The following BLVRA variants were observed in gnomAD, a reference collection of about 807,000 sequenced individuals.
BLVRA encodes the protein biliverdin reductase A.
A neutral mutation model predicts 32.8 loss-of-function variants in BLVRA; 22 were observed. The ratio of observed to expected loss-of-function variants is 0.67; its 90% CI spans 0.48 to 0.96. The LOEUF (loss-of-function observed/expected upper bound fraction) is 0.96, where lower values mean the gene tolerates loss of function less well. Among genes scored for constraint, BLVRA ranks in the 40% least tolerant of loss-of-function variants. BLVRA has a pLI of 0.00. For missense variants in BLVRA, 323 were observed against 358.1 expected, an observed-to-expected ratio of 0.90 and a Z score of 0.79; for synonymous variants, 119 against 141.3, an observed-to-expected ratio of 0.84 and a Z score of 1.12.
At chr7:43,766,150 G>T (rs1674828308) in intron 1 of BLVRA, among the ~76,000 whole-genome samples, 1 of 152,062 alleles carries the variant, frequency 6.6e-6, no homozygotes, top group African/African-American at 2.4e-5. Flanking sequence ...TGGTGGTGTG[G>T]TGGTAGGCGC....
intron 6 of BLVRA, among the ~76,000 whole-genome samples, chr7:43,803,333 A>G (rs199833777): frequency 6.6e-6 from 1 of 150,752 alleles, no homozygotes; most frequent in African/African-American, 2.4e-5. Context: ...GTGTGTATGT[A>G]TATCTACATA....
Position 43,790,426 on chromosome 7 carries a change from G to GAC in BLVRA, c.135-807_135-806dup, listed in dbSNP as rs138248593. 4.1e-3 allele frequency among the ~76,000 whole-genome samples: 626 copies of GAC among 151,112 alleles called. 2 individuals carry two copies. Among genetic ancestry groups the GAC allele is most frequent in the African/African-American group, 0.014 (571 of 41,190 alleles). On this transcript the variant is annotated intron_variant, in intron 3 of 7. Coordinates refer to ENST00000265523, the MANE Select transcript of BLVRA (RefSeq NM_000712.4). Reference sequence around the variant, plus strand: ...GAGCTCAGTCGGCCAGAGGGAGGAAGACACACACACACACACAAACACACA... The same window carrying GAC: ...GAGCTCAGTCGGCCAGAGGGAGGAAGACACACACACACACACACAAACACACA...
chr7:43,797,390 A>C (rs919588975), intron 5 of BLVRA, among the ~76,000 whole-genome samples: 2 of 152,242 alleles, frequency 1.3e-5, no homozygotes, highest in Admixed American at 1.3e-4. Context: ...GCCCAGCTCA[A>C]TAACGTATTT....
intron 6 of BLVRA, among the ~76,000 whole-genome samples, chr7:43,802,794 C>T (rs768795142): frequency 3.0e-4 from 46 of 152,178 alleles, no homozygotes; most frequent in Non-Finnish European, 5.4e-4. Context: ...AGCTACTGTA[C>T]GTGGCCTTTT....
intron 1 of BLVRA, among the ~76,000 whole-genome samples, chr7:43,762,118 G>A (rs1291436460): frequency 6.6e-6 from 1 of 152,100 alleles, no homozygotes; most frequent in Admixed American, 6.5e-5. Context: ...GGGCGTTTGA[G>A]GAGGAACAAG....
At chr7:43,774,342 C>T (rs2095758076) in intron 2 of BLVRA, among the ~76,000 whole-genome samples, 1 of 152,116 alleles carries the variant, frequency 6.6e-6, no homozygotes, top group African/African-American at 2.4e-5. Flanking sequence ...GATCCAGTTT[C>T]AGCTTTCTAC....
intron 2 of BLVRA, among the ~76,000 whole-genome samples, chr7:43,780,438 G>GTT (rs2095767617): frequency 6.6e-6 from 1 of 152,182 alleles, no homozygotes; most frequent in Non-Finnish European, 1.5e-5. Context: ...TGGTAAAAAT[G>GTT]TAAGTGTGGT....
chr7:43,791,573 A>G (rs995955024), intron 4 of BLVRA: 19 of 572,186 alleles, frequency 3.3e-5, no homozygotes, highest in Non-Finnish European at 5.9e-5. Context: ...AAATAGTAAA[A>G]TTAATATTTA....
At chr7:43,779,285 T>C (rs1383811569) in intron 2 of BLVRA, among the ~76,000 whole-genome samples, 1 of 152,210 alleles carries the variant, frequency 6.6e-6, no homozygotes, top group Non-Finnish European at 1.5e-5. Flanking sequence ...CCATCTTGGC[T>C]CCACTATCCT....
chr7:43,759,420 A>G (rs951533047), intron 1 of BLVRA, among the ~76,000 whole-genome samples: 5 of 152,190 alleles, frequency 3.3e-5, no homozygotes, highest in Admixed American at 6.5e-5. Flanking sequence ...TTGGATACTA[A>G]TTTTTTTCAC....
chr7:43,775,849 T>G (rs909745320), intron 2 of BLVRA, among the ~76,000 whole-genome samples: 1 of 152,236 alleles, frequency 6.6e-6, no homozygotes, highest in Admixed American at 6.5e-5. Context: ...AGATTCAACT[T>G]CTTCCTGGTT....
chr7:43,784,680 C>T (rs549618548), intron 2 of BLVRA, among the ~76,000 whole-genome samples: 1 of 149,328 alleles, frequency 6.7e-6, no homozygotes, highest in African/African-American at 2.5e-5. Context: ...CTTGGCTCAC[C>T]GCAACCCCTG....
intron 5 of BLVRA, among the ~76,000 whole-genome samples, chr7:43,795,741 G>T (rs2095791887): frequency 6.6e-6 from 1 of 151,492 alleles, no homozygotes; most frequent in Non-Finnish European, 1.5e-5. Context: ...AAAAGCAATA[G>T]AAAAAAATCA....
intron 6 of BLVRA, among the ~76,000 whole-genome samples, chr7:43,802,003 A>G (rs576352767): frequency 6.6e-6 from 1 of 152,106 alleles, no homozygotes; most frequent in Non-Finnish European, 1.5e-5. Flanking sequence ...TTAGTCGGGC[A>G]TGGTGGCACG....
intron 2 of BLVRA, among the ~76,000 whole-genome samples, chr7:43,782,034 C>T (rs1185099501): frequency 6.6e-6 from 1 of 152,204 alleles, no homozygotes; most frequent in African/African-American, 2.4e-5. Flanking sequence ...TTCCATTGTG[C>T]TTTATGTATC....
In BLVRA at chr7:43,761,392, T is replaced by C. The variant is rs530652091; in HGVS notation, c.-22+2658T>C. ...ATAGAATTTTCTGTGATTATGAAAATGTGCTATATTTAATTAATTTATATT... is the reference window on the plus strand; with the variant it reads ...ATAGAATTTTCTGTGATTATGAAAACGTGCTATATTTAATTAATTTATATT... On this transcript the variant is annotated intron_variant, in intron 1 of 7. Coordinates refer to ENST00000265523, the MANE Select transcript of BLVRA (RefSeq NM_000712.4). 3.3e-5 allele frequency among the ~76,000 whole-genome samples: 5 copies of C among 152,316 alleles called. No individual in the cohort carries two copies. In the South Asian group the frequency reaches 1.0e-3, roughly 32 times the overall value.
intron 6 of BLVRA, among the ~76,000 whole-genome samples, chr7:43,803,461 G>A (rs1408631471): frequency 6.6e-6 from 1 of 152,162 alleles, no homozygotes; most frequent in Admixed American, 6.5e-5. Context: ...AACAGGAAAA[G>A]ACAGAGATGC....
intron 1 of BLVRA, among the ~76,000 whole-genome samples, chr7:43,769,706 C>G: frequency 6.6e-6 from 1 of 152,040 alleles, no homozygotes; most frequent in South Asian, 2.1e-4. Context: ...CTCCCAGGTT[C>G]AAGCAATTCT....
At chr7:43,760,855 G>T (rs1220291983) in intron 1 of BLVRA, among the ~76,000 whole-genome samples, 1 of 148,220 alleles carries the variant, frequency 6.7e-6, no homozygotes, top group African/African-American at 2.5e-5. Context: ...TGCAACCTCC[G>T]CCCCCTGGGT....
Sources: gnomAD v4.1 joint callset for allele counts (sites outside exome capture counted in the v4.1 genomes callset) on GRCh38, gnomAD v4.1.1 for gene constraint, MANE v1.5 for transcripts, NCBI Gene and HGNC (gene_info 2026-07-23, HGNC 2026-07-21) for gene names.